Variants in L3MBTL4 observed in about 807,000 individuals in gnomAD.
The protein encoded by L3MBTL4 is L3MBTL histone methyl-lysine binding protein 4, also known as lethal(3)malignant brain tumor-like protein 4.
Under a neutral mutation model 84.5 loss-of-function variants are expected in L3MBTL4, and 70 were observed. That is an observed-to-expected ratio of 0.83 (90% confidence interval 0.68 to 1.01). The LOEUF (loss-of-function observed/expected upper bound fraction) is 1.01, where lower values mean the gene tolerates loss of function less well. L3MBTL4 is among the 50% of genes least tolerant of loss of function. The pLI, the probability that L3MBTL4 is intolerant of heterozygous loss-of-function variation, is 0.00. For synonymous variants in L3MBTL4, 274 were observed against 259.8 expected (o/e 1.05, Z -0.52); for missense variants, 715 against 754.8 (o/e 0.95, Z 0.62).
At chr18:6,397,018 A>C (rs1314743882) in intron 1 of L3MBTL4, 2 of 152,240 alleles carry the variant, frequency 1.3e-5, no homozygotes, top group Non-Finnish European at 2.9e-5. Context: ...ATTCTGAGAA[A>C]CTAAGCAAAA....
chr18:6,076,570 G>A (rs929023870), intron 16 of L3MBTL4, among the ~76,000 whole-genome samples: 4 of 151,976 alleles, frequency 2.6e-5, no homozygotes, highest in African/African-American at 4.8e-5. Flanking sequence ...GAAATAACCC[G>A]GAAGATGTAT....
rs1163554810 is a variant in L3MBTL4 at position 5,955,342 on chromosome 18, C to G, written c.*878G>C. ...GCCCCAGATGTAATATAACACAGCT[C>G]CTTATTACAGGGGTTCTGGCAGACT... is the stretch of plus-strand genomic sequence containing the variant. On this transcript the variant is annotated 3_prime_UTR_variant, in exon 19 of 19. Transcript: ENST00000317931. The G allele has an allele frequency of 6.6e-6, 1 of 152,230 alleles. No individual in the cohort carries two copies. The highest frequency in any genetic ancestry group is 1.5e-5 in the Non-Finnish European group (1 of 68,078). The allele number at this position is 152,230 out of a possible 1,614,324, so 9.4% of individuals were successfully genotyped here.
intron 16 of L3MBTL4, among the ~76,000 whole-genome samples, chr18:6,042,150 A>G (rs891276544): frequency 1.3e-5 from 2 of 152,202 alleles, no homozygotes; most frequent in Non-Finnish European, 2.9e-5. Flanking sequence ...AGAAGCCACC[A>G]AAGTGAGATA....
intron 16 of L3MBTL4, among the ~76,000 whole-genome samples, chr18:5,979,970 C>G (rs77573028): frequency 0.03 from 4,621 of 152,262 alleles, 207 homozygotes; most frequent in African/African-American, 0.1. Context: ...TAAAGGCACA[C>G]GTCGCCTCCA....
chr18:5,969,652 G>A, intron 16 of L3MBTL4, 90 bp from the exon 17 acceptor site: 1 of 1,353,508 alleles, frequency 7.4e-7, no homozygotes, highest in South Asian at 1.4e-5. Flanking sequence ...CCCAAGTCAG[G>A]GGACGGAAAG....
intron 16 of L3MBTL4, among the ~76,000 whole-genome samples, chr18:6,046,313 C>T (rs1365593196): frequency 3.3e-5 from 5 of 152,200 alleles, no homozygotes; most frequent in Non-Finnish European, 7.3e-5. Context: ...TACTGGAGGA[C>T]TTTAACATGC....
intron 16 of L3MBTL4, among the ~76,000 whole-genome samples, chr18:5,971,435 G>T (rs2052637276): frequency 6.6e-6 from 1 of 152,134 alleles, no homozygotes; most frequent in Non-Finnish European, 1.5e-5. Flanking sequence ...GAAATAGTGT[G>T]GACTTAAACT....
chr18:6,087,212 CA>C (rs2058287404), intron 15 of L3MBTL4, among the ~76,000 whole-genome samples: 1 of 152,136 alleles, frequency 6.6e-6, no homozygotes, highest in Non-Finnish European at 1.5e-5. Flanking sequence ...GTGCTGAATT[CA>C]GCAAGATAAG....
At chr18:6,407,219 A>C (rs2055773166) in intron 1 of L3MBTL4, among the ~76,000 whole-genome samples, 1 of 152,356 alleles carries the variant, frequency 6.6e-6, no homozygotes, top group East Asian at 1.9e-4. Flanking sequence ...TCACCGATTC[A>C]CACAAAACAC....
At chr18:6,033,562 G>A (rs902346480) in intron 16 of L3MBTL4, among the ~76,000 whole-genome samples, 1 of 152,050 alleles carries the variant, frequency 6.6e-6, no homozygotes, top group South Asian at 2.1e-4. Flanking sequence ...ATGTAATTAC[G>A]ATTACATTAC....
intron 16 of L3MBTL4, among the ~76,000 whole-genome samples, chr18:6,061,206 T>C (rs2057208155): frequency 6.6e-6 from 1 of 152,040 alleles, no homozygotes; most frequent in African/African-American, 2.4e-5. Context: ...TTCTAGCAGG[T>C]TTTGTAGTGG....
chr18:6,295,403 T>A (rs115635329), intron 4 of L3MBTL4, among the ~76,000 whole-genome samples: 1,607 of 149,594 alleles, frequency 0.011, 27 homozygotes, highest in African/African-American at 0.038. Flanking sequence ...ACTTGGCCTA[T>A]CTTTGTGCTT....
At chr18:6,293,555 G>T (rs1016518855) in intron 4 of L3MBTL4, among the ~76,000 whole-genome samples, 3 of 151,992 alleles carry the variant, frequency 2.0e-5, no homozygotes, top group Non-Finnish European at 4.4e-5. Flanking sequence ...AAAAAAAAAT[G>T]ATATTTCTAG....
chr18:6,350,201 C>A (rs2053115226), intron 1 of L3MBTL4, among the ~76,000 whole-genome samples: 1 of 152,080 alleles, frequency 6.6e-6, no homozygotes, highest in African/African-American at 2.4e-5. Context: ...GATTTGGCAA[C>A]AACAATGATG....
At chr18:6,391,860 C>G (rs2055068313) in intron 1 of L3MBTL4, among the ~76,000 whole-genome samples, 2 of 152,062 alleles carry the variant, frequency 1.3e-5, no homozygotes, top group African/African-American at 2.4e-5. Flanking sequence ...ACAGATGACA[C>G]AACAAATGGA....
At chr18:6,034,284 T>C (rs568722) in intron 16 of L3MBTL4, among the ~76,000 whole-genome samples, 68,185 of 151,764 alleles carry the variant, frequency 0.45, 16,307 homozygotes, top group African/African-American at 0.62. Context: ...TCTCCCAATG[T>C]TATCCCTCCC....
intron 1 of L3MBTL4, chr18:6,395,664 C>T (rs1412911476): frequency 1.3e-5 from 2 of 152,116 alleles, no homozygotes; most frequent in Non-Finnish European, 2.9e-5. Context: ...AGGTAACTTT[C>T]ACTTTGGGAG....
intron 13 of L3MBTL4, among the ~76,000 whole-genome samples, chr18:6,160,470 G>A (rs1296494184): frequency 2.0e-5 from 3 of 152,132 alleles, no homozygotes; most frequent in African/African-American, 2.4e-5. Flanking sequence ...GGTGGCTCAC[G>A]CCTGTAATCC....
At chr18:6,163,259 TGG>T (rs71163263) in intron 13 of L3MBTL4, among the ~76,000 whole-genome samples, 1,763 of 57,366 alleles carry the variant, frequency 0.031, 21 homozygotes, top group Middle Eastern at 0.07. Context: ...TGTGTGTGTG[TGG>T]GGGGGGGGTG....
Sources: allele counts gnomAD v4.1 joint callset (sites outside exome capture counted in the v4.1 genomes callset), GRCh38; gene constraint gnomAD v4.1.1; transcripts MANE v1.5; gene names NCBI Gene and HGNC (gene_info 2026-07-23, HGNC 2026-07-21).